Variants in DPP10 observed in about 807,000 individuals in gnomAD.
DPP10 encodes the protein inactive dipeptidyl peptidase 10.
DPP10 carries 33 observed loss-of-function variants against 120.9 expected under a neutral mutation model. That is an observed-to-expected ratio of 0.27 (90% CI 0.21 to 0.37). The LOEUF is 0.37. Among genes scored for constraint, DPP10 ranks in the 10% least tolerant of loss-of-function variants. The pLI is 1.00. For missense variants in DPP10, 816 were observed against 942.8 expected (o/e 0.87, Z 1.76); for synonymous variants, 337 against 326.1 (o/e 1.03, Z -0.36).
At chr2:114,644,100 ATT>A (rs70937295) in intron 1 of DPP10, among the ~76,000 whole-genome samples, 9 of 129,906 alleles carry the variant, frequency 6.9e-5, no homozygotes, top group Admixed American at 7.8e-5. Context: ...ATGCCCAGCT[ATT>A]TTTTTTTTTT....
chr2:115,186,248 A>G (rs1160310474), intron 1 of DPP10, among the ~76,000 whole-genome samples: 2 of 152,132 alleles, frequency 1.3e-5, no homozygotes, highest in Admixed American at 1.3e-4. Flanking sequence ...ACCCATTTCT[A>G]TGTGGAAGTT....
rs539681537 is a variant in DPP10, at chr2:115,772,816, C to T, written c.1222-4392C>T. On this transcript the variant is annotated intron_variant, in intron 13 of 25. Coordinates refer to ENST00000410059, the MANE Select transcript of DPP10 (RefSeq NM_020868.6). ...TCAAAGGTATAGCACCTTTTTCTCT[C>T]AAAGATGGAGTAAGCAGAATTTTCA... 1.2e-4 allele frequency among the ~76,000 whole-genome samples: 19 copies of T among 152,206 alleles called. No individual in the cohort carries two copies. In the East Asian group the frequency reaches 3.3e-3, roughly 26 times the overall value.
At chr2:115,523,169 A>G (rs1445025305) in intron 4 of DPP10, among the ~76,000 whole-genome samples, 1 of 151,982 alleles carries the variant, frequency 6.6e-6, no homozygotes, top group Non-Finnish European at 1.5e-5. Flanking sequence ...AAAATTTCCC[A>G]GTTTGTGTGC....
intron 1 of DPP10, among the ~76,000 whole-genome samples, chr2:114,815,074 T>C (rs114702882): frequency 0.015 from 2,249 of 152,292 alleles, 59 homozygotes; most frequent in African/African-American, 0.051. Context: ...ACTTCAATGC[T>C]GGAGTAATAG....
chr2:115,135,153 A>G (rs1270282221), intron 1 of DPP10, among the ~76,000 whole-genome samples: 1 of 151,954 alleles, frequency 6.6e-6, no homozygotes, highest in East Asian at 1.9e-4. Flanking sequence ...AGAGAGTTGA[A>G]CACCGTCATG....
At chr2:114,811,869 A>G (rs530350451) in intron 1 of DPP10, among the ~76,000 whole-genome samples, 1 of 152,218 alleles carries the variant, frequency 6.6e-6, no homozygotes, top group South Asian at 2.1e-4. Flanking sequence ...TGAGTAATTC[A>G]TATTTCCCAT....
intron 5 of DPP10, among the ~76,000 whole-genome samples, chr2:115,603,402 A>G (rs368055252): frequency 1.1e-3 from 154 of 145,478 alleles, no homozygotes; most frequent in African/African-American, 3.8e-3. Context: ...TGACCAGGAA[A>G]ATAGGACAGA....
chr2:114,912,449 C>G (rs1358978159), intron 1 of DPP10, among the ~76,000 whole-genome samples: 3 of 152,018 alleles, frequency 2.0e-5, no homozygotes, highest in Non-Finnish European at 4.4e-5. Context: ...TGTTTACATT[C>G]ATAATAATAT....
intron 1 of DPP10, among the ~76,000 whole-genome samples, chr2:115,034,555 T>C (rs1000763207): frequency 2.0e-5 from 3 of 152,204 alleles, no homozygotes; most frequent in Admixed American, 1.3e-4. Flanking sequence ...CTTCATTTTC[T>C]ATGTATATGA....
At chr2:115,391,336 G>C (rs1016194036) in intron 3 of DPP10, among the ~76,000 whole-genome samples, 1 of 152,112 alleles carries the variant, frequency 6.6e-6, no homozygotes, top group Admixed American at 6.6e-5. Context: ...AAGCAGTATA[G>C]CACCCATAGA....
At chr2:115,391,649 GTGT>G (rs1257181226) in intron 3 of DPP10, among the ~76,000 whole-genome samples, 3 of 151,732 alleles carry the variant, frequency 2.0e-5, no homozygotes, top group East Asian at 3.9e-4. Context: ...GTTTATAATA[GTGT>G]TATTTTAGCA....
intron 1 of DPP10, among the ~76,000 whole-genome samples, chr2:114,585,504 C>G (rs965296825): frequency 2.6e-5 from 4 of 152,070 alleles, no homozygotes; most frequent in African/African-American, 9.7e-5. Flanking sequence ...CCAGCGACAC[C>G]TAGATAAGTT....
intron 1 of DPP10, among the ~76,000 whole-genome samples, chr2:114,561,981 T>G (rs1688800204): frequency 6.6e-6 from 1 of 152,220 alleles, no homozygotes; most frequent in Non-Finnish European, 1.5e-5. Flanking sequence ...GTTAAATAAC[T>G]TCAACTAAGA....
intron 3 of DPP10, among the ~76,000 whole-genome samples, chr2:115,373,162 T>C (rs1317990577): frequency 6.6e-6 from 1 of 152,232 alleles, no homozygotes; most frequent in Non-Finnish European, 1.5e-5. Context: ...GCAATAGCTC[T>C]TTAGTAAATA....
chr2:114,552,040 A>G (rs1201819092), intron 1 of DPP10, among the ~76,000 whole-genome samples: 2 of 152,248 alleles, frequency 1.3e-5, no homozygotes, highest in African/African-American at 4.8e-5. Context: ...TGTGTATGTC[A>G]TAGATTAACC....
intron 1 of DPP10, among the ~76,000 whole-genome samples, chr2:114,631,805 T>C (rs1275591054): frequency 2.6e-5 from 4 of 152,210 alleles, no homozygotes; most frequent in African/African-American, 9.6e-5. Flanking sequence ...AATCATCTAG[T>C]GTCTGGTATA....
intron 7 of DPP10, among the ~76,000 whole-genome samples, chr2:115,705,228 CT>C (rs1460553848): frequency 2.6e-4 from 39 of 151,886 alleles, no homozygotes; most frequent in Non-Finnish European, 5.9e-5. Flanking sequence ...TAAGGTAGCA[CT>C]TTTCAAACAT....
At chr2:114,561,281 GT>G (rs1196909415) in intron 1 of DPP10, among the ~76,000 whole-genome samples, 5 of 152,152 alleles carry the variant, frequency 3.3e-5, no homozygotes, top group African/African-American at 1.2e-4. Flanking sequence ...GAAAGACAGG[GT>G]TTTTCTTTGT....
In DPP10 at chr2:115,778,505, A is replaced by C. The variant is rs1682390573; in HGVS notation, c.1361+671A>C. On this transcript the variant is annotated intron_variant, in intron 15 of 25. Coordinates refer to ENST00000410059, the MANE Select transcript of DPP10 (RefSeq NM_020868.6). ...CAGAGAGCTTTCACCAGGATCTCAC[A>C]AAAATGACTTTTATTTTTGGCTGGC... Among the ~76,000 whole-genome samples, 4 of 152,272 alleles carry C rather than the reference A, an allele frequency of 2.6e-5. No homozygotes were observed. The South Asian group carries it at 8.3e-4, about 32-fold the overall frequency.
Sources: gnomAD v4.1 joint callset for allele counts (sites outside exome capture counted in the v4.1 genomes callset) on GRCh38, gnomAD v4.1.1 for gene constraint, MANE v1.5 for transcripts, NCBI Gene and HGNC (gene_info 2026-07-23, HGNC 2026-07-21) for gene names.